The following KCNIP4 variants were observed in gnomAD, a reference collection of about 807,000 sequenced individuals.
The protein encoded by KCNIP4 is potassium voltage-gated channel interacting protein 4, also known as Kv channel-interacting protein 4.
In KCNIP4, 12 loss-of-function variants were observed where a neutral mutation model predicts 34.0. The observed-to-expected ratio is 0.35, with a 90% CI of 0.23 to 0.57. The LOEUF is 0.57. KCNIP4 is among the 20% of genes least tolerant of loss of function. KCNIP4 has a pLI of 0.83. For synonymous variants in KCNIP4, 124 were observed against 102.2 expected (o/e 1.21, Z -1.29); for missense variants, 238 against 311.7 (o/e 0.76, Z 1.78).
chr4:21,470,662 TAA>T (rs1370932193), intron 1 of KCNIP4, among the ~76,000 whole-genome samples: 1 of 151,554 alleles, frequency 6.6e-6, no homozygotes. Context: ...TATGAAAAAA[TAA>T]AGAGAGGCAC....
At chr4:21,258,279 T>C (rs938975428) in intron 1 of KCNIP4, among the ~76,000 whole-genome samples, 12 of 152,174 alleles carry the variant, frequency 7.9e-5, no homozygotes, top group African/African-American at 2.9e-4. Flanking sequence ...GCTTTACTCT[T>C]AACACTGATA....
intron 1 of KCNIP4, among the ~76,000 whole-genome samples, chr4:21,395,265 T>G (rs576176132): frequency 1.3e-5 from 2 of 152,238 alleles, no homozygotes; most frequent in East Asian, 3.9e-4. Context: ...TACCACAGAT[T>G]CCCTCTTGGG....
chr4:21,540,506 C>T (rs74356457), intron 1 of KCNIP4, among the ~76,000 whole-genome samples: 3,020 of 152,182 alleles, frequency 0.02, 54 homozygotes, highest in Middle Eastern at 0.054. Flanking sequence ...CTTGCATTTC[C>T]CCTAAAAACA....
rs1246952495 is a variant in KCNIP4, at chr4:21,623,972, G to GCAGTATATATAT, written c.61+324598_61+324599insATATATATACTG. Among the ~76,000 whole-genome samples the GCAGTATATATAT allele has an allele frequency of 2.1e-3, 315 of 152,280 alleles. 2 individuals carry two copies. Among genetic ancestry groups the GCAGTATATATAT allele is most frequent in the African/African-American group, 7.2e-3 (298 of 41,564 alleles). Reference sequence around the variant, plus strand: ...CCATCCCAGTGAAAGCAGGGTGGGTGATGGTGATATATATACTGTATACAT... The same window carrying GCAGTATATATAT: ...CCATCCCAGTGAAAGCAGGGTGGGTGCAGTATATATATATGGTGATATATATACTGTATACAT... On this transcript the variant is annotated intron_variant, in intron 1 of 8. Transcript: ENST00000382152.
At chr4:21,433,640 A>G (rs375133096) in intron 1 of KCNIP4, among the ~76,000 whole-genome samples, 1 of 152,144 alleles carries the variant, frequency 6.6e-6, no homozygotes, top group Non-Finnish European at 1.5e-5. Context: ...ACTGATACAC[A>G]TACTCCTAGG....
intron 1 of KCNIP4, among the ~76,000 whole-genome samples, chr4:20,968,598 TA>T (rs1481807217): frequency 1.3e-5 from 2 of 151,890 alleles, no homozygotes; most frequent in East Asian, 1.9e-4. Context: ...TATGCAGCCA[TA>T]AAAAAGGATG....
chr4:21,105,399 T>C (rs1748422400), intron 1 of KCNIP4, among the ~76,000 whole-genome samples: 1 of 151,660 alleles, frequency 6.6e-6, no homozygotes, highest in Non-Finnish European at 1.5e-5. Flanking sequence ...TCTCTGTTTG[T>C]CTGTTATTGG....
intron 1 of KCNIP4, among the ~76,000 whole-genome samples, chr4:21,573,438 A>G (rs929397703): frequency 6.6e-6 from 1 of 151,880 alleles, no homozygotes; most frequent in African/African-American, 2.4e-5. Flanking sequence ...TTTGTGTTCT[A>G]TTGTTTCTCA....
chr4:20,789,794 A>G (rs1214865410), intron 3 of KCNIP4, among the ~76,000 whole-genome samples: 1 of 151,272 alleles, frequency 6.6e-6, no homozygotes, highest in Non-Finnish European at 1.5e-5. Context: ...TAGCTCAGAT[A>G]TTAGCTGAGC....
chr4:21,745,210 A>G (rs1716691348), intron 1 of KCNIP4, among the ~76,000 whole-genome samples: 1 of 152,222 alleles, frequency 6.6e-6, no homozygotes, highest in Non-Finnish European at 1.5e-5. Context: ...TTTTAAGCAG[A>G]AGAATCACAA....
intron 1 of KCNIP4, among the ~76,000 whole-genome samples, chr4:21,441,629 C>A (rs1390320702): frequency 6.6e-6 from 1 of 152,162 alleles, no homozygotes; most frequent in Non-Finnish European, 1.5e-5. Flanking sequence ...AAATCAAGAA[C>A]TACTAACAGA....
intron 2 of KCNIP4, among the ~76,000 whole-genome samples, chr4:20,882,200 A>G (rs188946217): frequency 7.7e-4 from 117 of 152,288 alleles, no homozygotes; most frequent in African/African-American, 2.7e-3. Context: ...TAATCTAGTG[A>G]TATTTCTGAA....
intron 1 of KCNIP4, among the ~76,000 whole-genome samples, chr4:21,564,110 A>C (rs1240151118): frequency 1.3e-5 from 2 of 152,058 alleles, no homozygotes; most frequent in African/African-American, 4.8e-5. Context: ...AAATTACTTG[A>C]CTCCAAAACC....
chr4:21,793,974 G>A (rs1178276093), intron 1 of KCNIP4, among the ~76,000 whole-genome samples: 2 of 152,182 alleles, frequency 1.3e-5, no homozygotes, highest in Non-Finnish European at 2.9e-5. Flanking sequence ...ATGAATTCAT[G>A]TCCTTTGTAG....
intron 1 of KCNIP4, among the ~76,000 whole-genome samples, chr4:21,346,100 TA>T (rs1266861002): frequency 4.1e-5 from 5 of 121,260 alleles, no homozygotes; most frequent in Non-Finnish European, 6.4e-5. Flanking sequence ...TAAGATATCT[TA>T]AATATATATA....
At chr4:20,730,212 TCCCATCAAC>T in intron 8 of KCNIP4, 83 bp from the exon 9 acceptor site, 1 of 1,471,730 alleles carries the variant, frequency 6.8e-7, no homozygotes, top group Non-Finnish European at 9.1e-7. Flanking sequence ...TATTGCCTCC[TCCCATCAAC>T]CACCTCAACC....
At chr4:21,436,422 T>C (rs913356525) in intron 1 of KCNIP4, among the ~76,000 whole-genome samples, 3 of 152,234 alleles carry the variant, frequency 2.0e-5, no homozygotes, top group Admixed American at 2.0e-4. Flanking sequence ...TTCCCATTGA[T>C]ATCTAACTTC....
chr4:21,356,692 C>T (rs1718640829), intron 1 of KCNIP4, among the ~76,000 whole-genome samples: 1 of 152,254 alleles, frequency 6.6e-6, no homozygotes, highest in Middle Eastern at 3.4e-3. Flanking sequence ...GAGGAACATT[C>T]CATATTTGTG....
At chr4:20,792,159 A>C (rs1578628929) in intron 3 of KCNIP4, among the ~76,000 whole-genome samples, 1 of 152,308 alleles carries the variant, frequency 6.6e-6, no homozygotes, top group Non-Finnish European at 1.5e-5. Context: ...GGATCATCTG[A>C]AGTCAGGAGT....
Sources: allele counts gnomAD v4.1 joint callset (sites outside exome capture counted in the v4.1 genomes callset), GRCh38; gene constraint gnomAD v4.1.1; transcripts MANE v1.5; gene names NCBI Gene and HGNC (gene_info 2026-07-23, HGNC 2026-07-21).